The following CDH20 variants were observed in gnomAD, a reference collection of about 807,000 sequenced individuals.
CDH20 encodes cadherin 20.
A neutral mutation model predicts 74.2 loss-of-function variants in CDH20; 29 were observed. The observed-to-expected ratio is 0.39, with a 90% CI of 0.29 to 0.53. CDH20 has a LOEUF of 0.53. Ranked by LOEUF, CDH20 falls within the 20% of genes least tolerant of loss-of-function variation. CDH20 has a pLI of 0.69. For synonymous variants in CDH20, 469 were observed against 405.4 expected (o/e 1.16, Z -1.88); for missense variants, 988 against 1,048.3 (o/e 0.94, Z 0.79).
Position 61,555,274 on chromosome 18 carries a change from G to C in CDH20, c.*579G>C, listed in dbSNP as rs976809084. The C allele has an allele frequency of 3.0e-6, 3 of 984,630 alleles. No individual in the cohort carries two copies. The highest frequency in any genetic ancestry group is 3.6e-6 in the Non-Finnish European group (3 of 829,682). The allele number at this position is 984,630 out of a possible 1,614,324, so 61.0% of individuals were successfully genotyped here. On this transcript the variant is annotated 3_prime_UTR_variant, in exon 12 of 12. Transcript: ENST00000262717. ...GTTAAGACTGAATCAGCCTTGCATG[G>C]GGGTGGATGGGTGGGAGGGTGGGTG... is the stretch of plus-strand genomic sequence containing the variant.
intron 1 of CDH20, among the ~76,000 whole-genome samples, chr18:61,338,380 G>A (rs923058693): frequency 6.6e-6 from 1 of 151,902 alleles, no homozygotes; most frequent in Admixed American, 6.6e-5. Context: ...TGCTAACCAG[G>A]ACTCTCTAGT....
At chr18:61,425,497 T>C (rs1038579561) in intron 1 of CDH20, among the ~76,000 whole-genome samples, 6 of 152,164 alleles carry the variant, frequency 3.9e-5, no homozygotes, top group Non-Finnish European at 7.3e-5. Flanking sequence ...AGCAAAGGCC[T>C]GCCCAGAGCA....
At chr18:61,476,427 G>A (rs567009737) in intron 1 of CDH20, among the ~76,000 whole-genome samples, 6 of 152,174 alleles carry the variant, frequency 3.9e-5, no homozygotes, top group East Asian at 3.9e-4. Flanking sequence ...CCAGAATCAC[G>A]TAGCCAAGAT....
At chr18:61,552,651 T>A (rs547074026) in intron 11 of CDH20, among the ~76,000 whole-genome samples, 43 of 152,340 alleles carry the variant, frequency 2.8e-4, no homozygotes, top group African/African-American at 1.0e-3. Context: ...CTTGTGGCTC[T>A]AACAGCCCTT....
At chr18:61,456,444 C>T (rs1909573327) in intron 1 of CDH20, among the ~76,000 whole-genome samples, 1 of 152,066 alleles carries the variant, frequency 6.6e-6, no homozygotes, top group African/African-American at 2.4e-5. Flanking sequence ...AAATCTCCCT[C>T]CAATGCTTAA....
At chr18:61,499,053 G>A (rs1352613433) in intron 2 of CDH20, 133 bp from the exon 3 acceptor site, 7 of 686,282 alleles carry the variant, frequency 1.0e-5, no homozygotes, top group East Asian at 8.3e-5. Flanking sequence ...GTTCTTTGTC[G>A]ACAAACTTAT....
intron 6 of CDH20, among the ~76,000 whole-genome samples, chr18:61,515,593 G>A (rs1354633154): frequency 6.6e-6 from 1 of 151,612 alleles, no homozygotes; most frequent in African/African-American, 2.4e-5. Flanking sequence ...GGAATACTAT[G>A]CAGCCATAAA....
At chr18:61,464,148 A>G (rs921120457) in intron 1 of CDH20, among the ~76,000 whole-genome samples, 3 of 152,132 alleles carry the variant, frequency 2.0e-5, no homozygotes, top group African/African-American at 7.2e-5. Context: ...ATAATTAAAT[A>G]TGTACCACTA....
At chr18:61,491,422 A>C (rs1910956361) in intron 2 of CDH20, among the ~76,000 whole-genome samples, 1 of 152,186 alleles carries the variant, frequency 6.6e-6, no homozygotes, top group African/African-American at 2.4e-5. Flanking sequence ...GAAAGCAACC[A>C]AGTGAGAGAG....
chr18:61,551,235 C>A (rs929428513), intron 11 of CDH20, among the ~76,000 whole-genome samples: 1 of 152,182 alleles, frequency 6.6e-6, no homozygotes, highest in Non-Finnish European at 1.5e-5. Flanking sequence ...GTACATATAT[C>A]CTTGCTCTTC....
rs145016400 is a variant in CDH20, at chr18:61,454,458, T to G, written c.-152-35944T>G. ...GGGAGGAATAAAAACTTATTTTCGT[T>G]TATTTGACATGTAAGGAAAAGAATG... On this transcript the variant is annotated intron_variant, in intron 1 of 11. Transcript: ENST00000262717. Among the ~76,000 whole-genome samples the G allele has an allele frequency of 4.6e-5, 7 of 152,324 alleles. No homozygotes were observed. The East Asian group carries it at 1.3e-3, about 29-fold the overall frequency.
At chr18:61,352,978 T>C (rs992712716) in intron 1 of CDH20, among the ~76,000 whole-genome samples, 12 of 152,162 alleles carry the variant, frequency 7.9e-5, no homozygotes, top group Non-Finnish European at 1.2e-4. Flanking sequence ...TCATTCCTTT[T>C]GATATAATAG....
chr18:61,429,158 C>G (rs986755442), intron 1 of CDH20, among the ~76,000 whole-genome samples: 1 of 152,124 alleles, frequency 6.6e-6, no homozygotes, highest in Admixed American at 6.6e-5. Context: ...TTGCTACAGT[C>G]ATGGTTCTTT....
At chr18:61,497,174 C>G (rs1240310830) in intron 2 of CDH20, among the ~76,000 whole-genome samples, 28 of 151,202 alleles carry the variant, frequency 1.9e-4, no homozygotes. Flanking sequence ...ACTTCACATT[C>G]TAAATAAAAT....
chr18:61,381,624 G>C (rs1186606798), intron 1 of CDH20, among the ~76,000 whole-genome samples: 1 of 152,192 alleles, frequency 6.6e-6, no homozygotes, highest in African/African-American at 2.4e-5. Flanking sequence ...AATTTCAAGA[G>C]AGACAAAAGG....
chr18:61,368,919 A>T (rs1910944969), intron 1 of CDH20, among the ~76,000 whole-genome samples: 1 of 150,508 alleles, frequency 6.6e-6, no homozygotes, highest in African/African-American at 2.4e-5. Flanking sequence ...ATGCTTTCCC[A>T]TTCTACTAGT....
At chr18:61,401,385 T>C (rs905903725) in intron 1 of CDH20, among the ~76,000 whole-genome samples, 1 of 152,204 alleles carries the variant, frequency 6.6e-6, no homozygotes, top group Non-Finnish European at 1.5e-5. Context: ...TTCTATACAT[T>C]AGTGACCCGT....
intron 1 of CDH20, among the ~76,000 whole-genome samples, chr18:61,404,381 A>T (rs1912255643): frequency 6.6e-6 from 1 of 152,184 alleles, no homozygotes; most frequent in South Asian, 2.1e-4. Context: ...TGTTTTGAGA[A>T]TAAAGGCCAC....
intron 1 of CDH20, among the ~76,000 whole-genome samples, chr18:61,459,761 C>T (rs1015137539): frequency 2.6e-5 from 4 of 151,734 alleles, no homozygotes; most frequent in Admixed American, 2.6e-4. Context: ...ACTCCAGGAG[C>T]CTTCCCTGGG....
Sources: gnomAD v4.1 joint callset for allele counts (sites outside exome capture counted in the v4.1 genomes callset) on GRCh38, gnomAD v4.1.1 for gene constraint, MANE v1.5 for transcripts, NCBI Gene and HGNC (gene_info 2026-07-23, HGNC 2026-07-21) for gene names.